NPSR1: variants seen among roughly 807,000 people sequenced by gnomAD.
NPSR1 encodes the protein neuropeptide S receptor 1.
In NPSR1, 48 loss-of-function variants were observed where a neutral mutation model predicts 46.9. That is an observed-to-expected ratio of 1.02 (90% CI 0.81 to 1.30). NPSR1 has a LOEUF of 1.30. NPSR1 is among the 50% of genes most tolerant of loss of function. NPSR1 has a pLI of 0.00. For synonymous variants in NPSR1, 176 were observed against 168.1 expected, an observed-to-expected ratio of 1.05 and a Z score of -0.36; for missense variants, 450 against 449.5, an observed-to-expected ratio of 1.00 and a Z score of -0.01.
At chr7:34,807,281 C>T (rs936156532) in intron 3 of NPSR1, among the ~76,000 whole-genome samples, 7 of 151,870 alleles carry the variant, frequency 4.6e-5, no homozygotes, top group Non-Finnish European at 8.8e-5. Context: ...TTTAGTATAT[C>T]GCCAATTTTT....
rs34663388 is a variant in NPSR1, at chr7:34,710,375, A to G, written c.280+25691A>G. 3.4e-3 allele frequency among the ~76,000 whole-genome samples: 525 copies of G among 152,338 alleles called. 2 individuals carry two copies. The highest frequency in any genetic ancestry group is 0.012 in the African/African-American group (485 of 41,580). ...CAGAGGAATTATTTTCTGTGAATTA[A>G]CTGTTTCTAGATTCTAATATTAGTG... On this transcript the variant is annotated intron_variant, in intron 2 of 8. Coordinates refer to ENST00000360581, the MANE Select transcript of NPSR1 (RefSeq NM_207172.2).
chr7:34,739,696 G>T (rs1212398907), intron 2 of NPSR1, among the ~76,000 whole-genome samples: 2 of 152,184 alleles, frequency 1.3e-5, no homozygotes, highest in Non-Finnish European at 2.9e-5. Context: ...TAGCCACCGA[G>T]CAGGTCTACC....
intron 8 of NPSR1, among the ~76,000 whole-genome samples, chr7:34,864,841 C>A (rs1039771628): frequency 3.3e-5 from 5 of 151,874 alleles, no homozygotes; most frequent in African/African-American, 9.7e-5. Flanking sequence ...TGGAACTGGT[C>A]TTCCCCACTG....
chr7:34,684,730 C>G, intron 2 of NPSR1, 46 bp downstream of exon 2: 1 of 1,443,562 alleles, frequency 6.9e-7, no homozygotes, highest in Non-Finnish European at 9.2e-7. Context: ...ATGTGAAGTC[C>G]CTATGGCTTC....
rs1790089204 is a variant in NPSR1, at chr7:34,830,954, C to T, written c.680+3352C>T. Among the ~76,000 whole-genome samples, 3 of 152,166 alleles carry T rather than the reference C, an allele frequency of 2.0e-5. No homozygotes were observed. The South Asian group carries it at 6.2e-4, about 32-fold the overall frequency. The stretch of plus-strand genomic sequence containing the variant: ...TGAACACTCTGCCAAGCTCACCTTG[C>T]CTTGTTTCACCCAACTAGTTCACAT... On this transcript the variant is annotated intron_variant, in intron 5 of 8. Transcript: ENST00000360581.
intron 5 of NPSR1, 36 bp downstream of exon 5, chr7:34,827,638 T>TGGGGAGGGGGGGGG: frequency 5.6e-6 from 1 of 179,966 alleles, no homozygotes; most frequent in Admixed American, 7.2e-5. Context: ...CACGGGGGGG[T>TGGGGAGGGGGGGGG]GGGGCGGGGG....
At chr7:34,678,550 G>A (rs905760923) in intron 1 of NPSR1, among the ~76,000 whole-genome samples, 1 of 152,144 alleles carries the variant, frequency 6.6e-6, no homozygotes, top group Non-Finnish European at 1.5e-5. Flanking sequence ...ACAGTGGCCG[G>A]GCGCGGTGGC....
chr7:34,818,271 A>G (rs1286433573), intron 4 of NPSR1, among the ~76,000 whole-genome samples: 1 of 152,216 alleles, frequency 6.6e-6, no homozygotes, highest in East Asian at 1.9e-4. Flanking sequence ...CTATACATGA[A>G]TAAGAGACAA....
intron 2 of NPSR1, chr7:34,685,658 A>G (rs1792888175): frequency 2.4e-6 from 1 of 412,948 alleles, no homozygotes; most frequent in Middle Eastern, 3.7e-4. Context: ...TTGAGCCATA[A>G]TATTTCAAAA....
At chr7:34,803,540 G>A (rs1161151873) in intron 3 of NPSR1, among the ~76,000 whole-genome samples, 3 of 151,954 alleles carry the variant, frequency 2.0e-5, no homozygotes, top group Admixed American at 1.3e-4. Context: ...ACACAGGAAG[G>A]GGAACATCAC....
intron 3 of NPSR1, among the ~76,000 whole-genome samples, chr7:34,780,264 G>A (rs1486244290): frequency 6.6e-6 from 1 of 152,170 alleles, no homozygotes; most frequent in African/African-American, 2.4e-5. Context: ...CATGTTGGAG[G>A]TTGGCAACCA....
chr7:34,703,286 G>C (rs1353898875), intron 2 of NPSR1, among the ~76,000 whole-genome samples: 1 of 152,218 alleles, frequency 6.6e-6, no homozygotes, highest in Non-Finnish European at 1.5e-5. Flanking sequence ...CGGGAGAATG[G>C]CGTGAACCCG....
intron 3 of NPSR1, among the ~76,000 whole-genome samples, chr7:34,804,600 C>A (rs1788597751): frequency 6.6e-6 from 1 of 151,996 alleles, no homozygotes; most frequent in African/African-American, 2.4e-5. Context: ...GTGCTTTTGT[C>A]CTAAGACTGG....
At chr7:34,724,512 G>C (rs535484918) in intron 2 of NPSR1, among the ~76,000 whole-genome samples, 1 of 152,358 alleles carries the variant, frequency 6.6e-6, no homozygotes, top group African/African-American at 2.4e-5. Flanking sequence ...CTGATTCCTA[G>C]ATCTGAGGTG....
chr7:34,680,108 G>T lies in NPSR1; in HGVS notation c.148-4444G>T, dbSNP rs940660386. ...TATTGATTTTATGCATAACAAGAAT[G>T]CCTTCTATCATATTATAACCTCATC... On this transcript the variant is annotated intron_variant, in intron 1 of 8. Coordinates refer to ENST00000360581, the MANE Select transcript of NPSR1 (RefSeq NM_207172.2). Among the ~76,000 whole-genome samples the T allele has an allele frequency of 4.6e-5, 7 of 152,116 alleles. No individual in the cohort carries two copies. The East Asian group carries it at 1.4e-3, about 29-fold the overall frequency.
intron 3 of NPSR1, among the ~76,000 whole-genome samples, chr7:34,797,330 G>A (rs1216045630): frequency 1.3e-5 from 2 of 152,118 alleles, no homozygotes; most frequent in African/African-American, 2.4e-5. Flanking sequence ...TATGAACTTT[G>A]GGTGATAATG....
intron 2 of NPSR1, among the ~76,000 whole-genome samples, chr7:34,764,209 G>A (rs747818826): frequency 2.4e-4 from 37 of 152,150 alleles, no homozygotes; most frequent in Non-Finnish European, 4.7e-4. Flanking sequence ...GTATGTATGC[G>A]TTATTTCTTT....
At chr7:34,796,971 T>G (rs539505244) in intron 3 of NPSR1, among the ~76,000 whole-genome samples, 2 of 152,316 alleles carry the variant, frequency 1.3e-5, no homozygotes, top group Non-Finnish European at 2.9e-5. Context: ...GGTACATCCA[T>G]ACAATGAAAT....
intron 1 of NPSR1, among the ~76,000 whole-genome samples, chr7:34,675,871 T>C (rs928786479): frequency 6.6e-6 from 1 of 152,274 alleles, no homozygotes; most frequent in Non-Finnish European, 1.5e-5. Flanking sequence ...TCTTTAGTTA[T>C]TGAAACATTT....
Sources: gnomAD v4.1 joint callset for allele counts (sites outside exome capture counted in the v4.1 genomes callset) on GRCh38, gnomAD v4.1.1 for gene constraint, MANE v1.5 for transcripts, NCBI Gene and HGNC (gene_info 2026-07-23, HGNC 2026-07-21) for gene names.